Variants in ADARB2 observed in about 807,000 individuals in gnomAD.
ADARB2 encodes inactive double-stranded RNA-specific editase B2.
ADARB2 carries 25 observed loss-of-function variants against 62.2 expected under a neutral mutation model. The observed-to-expected ratio is 0.40, with a 90% confidence interval of 0.29 to 0.56. ADARB2 has a LOEUF of 0.56. ADARB2 is among the 20% of genes least tolerant of loss of function. ADARB2 has a pLI of 0.43. For missense variants in ADARB2, 1,071 were observed against 1,077.4 expected, an observed-to-expected ratio of 0.99 and a Z score of 0.08; for synonymous variants, 572 against 500.8, an observed-to-expected ratio of 1.14 and a Z score of -1.90.
chr10:1,275,969 G>C (rs1011646059), intron 3 of ADARB2, among the ~76,000 whole-genome samples: 1 of 151,954 alleles, frequency 6.6e-6, no homozygotes, highest in Non-Finnish European at 1.5e-5. Context: ...ATAAACATAC[G>C]TGTGCATGTG....
intron 1 of ADARB2, among the ~76,000 whole-genome samples, chr10:1,507,901 C>G (rs1473420598): frequency 6.6e-6 from 1 of 152,184 alleles, no homozygotes; most frequent in Non-Finnish European, 1.5e-5. Flanking sequence ...GTGGGACAGG[C>G]AGCGATGGCT....
At chr10:1,476,071 G>A (rs922733354) in intron 1 of ADARB2, among the ~76,000 whole-genome samples, 5 of 152,226 alleles carry the variant, frequency 3.3e-5, no homozygotes, top group African/African-American at 1.2e-4. Flanking sequence ...GTGGGAAATT[G>A]TCACTAGTGA....
At chr10:1,502,600 T>G (rs1454107331) in intron 1 of ADARB2, among the ~76,000 whole-genome samples, 2 of 152,230 alleles carry the variant, frequency 1.3e-5, no homozygotes, top group African/African-American at 2.4e-5. Flanking sequence ...TGTCACCCGC[T>G]TGCAGGGGCC....
intron 3 of ADARB2, among the ~76,000 whole-genome samples, chr10:1,271,324 T>C (rs549789053): frequency 3.9e-5 from 6 of 152,296 alleles, no homozygotes; most frequent in Middle Eastern, 6.8e-3. Context: ...AACCCTGAGC[T>C]CTGCCAACCT....
At chr10:1,592,386 C>G (rs137988049) in intron 1 of ADARB2, among the ~76,000 whole-genome samples, 7 of 37,426 alleles carry the variant, frequency 1.9e-4, no homozygotes, top group Non-Finnish European at 4.1e-4. Context: ...CAGCTCCCTT[C>G]GCCCAAGCCA....
At chr10:1,462,643 CTGTG>C (rs952022514) in intron 1 of ADARB2, among the ~76,000 whole-genome samples, 7 of 141,530 alleles carry the variant, frequency 4.9e-5, no homozygotes, top group Non-Finnish European at 7.7e-5. Context: ...GTGTATGTGC[CTGTG>C]TGTATGTACA....
intron 1 of ADARB2, among the ~76,000 whole-genome samples, chr10:1,710,396 A>G (rs1834936394): frequency 6.6e-6 from 1 of 152,230 alleles, no homozygotes; most frequent in African/African-American, 2.4e-5. Flanking sequence ...ATTTAGGAGA[A>G]ATATAATGGA....
At chr10:1,664,318 A>G (rs929749331) in intron 1 of ADARB2, among the ~76,000 whole-genome samples, 1 of 152,022 alleles carries the variant, frequency 6.6e-6, no homozygotes, top group Non-Finnish European at 1.5e-5. Context: ...GTGGGTCAGT[A>G]TCAAGGTATG....
chr10:1,229,758 ATG>A (rs1238823133), intron 6 of ADARB2, among the ~76,000 whole-genome samples: 48 of 22,278 alleles, frequency 2.2e-3, no homozygotes, highest in Non-Finnish European at 3.9e-3. Flanking sequence ...ACGTGATTAC[ATG>A]TGTGCACATA....
chr10:1,639,476 C>T (rs577505870), intron 1 of ADARB2, among the ~76,000 whole-genome samples: 10 of 152,328 alleles, frequency 6.6e-5, no homozygotes, highest in Middle Eastern at 6.8e-3. Context: ...AGACCATTCA[C>T]GAGCAGCCTG....
At chr10:1,635,138 T>C (rs1479871506) in intron 1 of ADARB2, among the ~76,000 whole-genome samples, 1 of 152,238 alleles carries the variant, frequency 6.6e-6, no homozygotes, top group Non-Finnish European at 1.5e-5. Context: ...GTATCTTACG[T>C]AGAGGAGTGC....
chr10:1,615,211 GGTCT>G (rs1226762916), intron 1 of ADARB2, among the ~76,000 whole-genome samples: 1 of 152,232 alleles, frequency 6.6e-6, no homozygotes, highest in Non-Finnish European at 1.5e-5. Context: ...ACTGCTTAGT[GGTCT>G]GTCTGCCTCC....
chr10:1,210,696 C>T (rs1837139130), intron 7 of ADARB2, among the ~76,000 whole-genome samples: 1 of 152,238 alleles, frequency 6.6e-6, no homozygotes, highest in African/African-American at 2.4e-5. Context: ...TTCCTTCGCT[C>T]ATGAGTGCAG....
At chr10:1,391,420 G>A (rs774502067) in intron 1 of ADARB2, among the ~76,000 whole-genome samples, 2 of 152,096 alleles carry the variant, frequency 1.3e-5, no homozygotes, top group African/African-American at 2.4e-5. Flanking sequence ...GCTGTTCTCC[G>A]GGTCTCTAAG....
chr10:1,658,556 GTCTCTCTA>G (rs1191023806), intron 1 of ADARB2, among the ~76,000 whole-genome samples: 1 of 152,040 alleles, frequency 6.6e-6, no homozygotes, highest in Non-Finnish European at 1.5e-5. Flanking sequence ...GATTCTCTCT[GTCTCTCTA>G]TCTCTCTCTC....
At chr10:1,371,677 G>A (rs1326122209) in intron 2 of ADARB2, among the ~76,000 whole-genome samples, 2 of 150,024 alleles carry the variant, frequency 1.3e-5, no homozygotes, top group Admixed American at 6.7e-5. Context: ...AAAAATATAA[G>A]CAGCCAACAA....
chr10:1,281,160 G>A (rs556129969), intron 3 of ADARB2, among the ~76,000 whole-genome samples: 1 of 152,334 alleles, frequency 6.6e-6, no homozygotes, highest in East Asian at 1.9e-4. Flanking sequence ...ATGTGTGGTG[G>A]ATCCATGATG....
Position 1,737,062 on chromosome 10 carries a change from G to T in ADARB2, c.89C>A (p.Ser30Tyr). The T allele has an allele frequency of 6.2e-7, 1 of 1,611,434 alleles. No individual in the cohort carries two copies. The highest frequency in any genetic ancestry group is 8.5e-7 in the Non-Finnish European group (1 of 1,179,914). ...CACGCGGTCCTTACCTTTCCGCTTGGACCTCCGCCTCCTCCTCCTCTTGGA... is the reference window on the plus strand; with the variant it reads ...CACGCGGTCCTTACCTTTCCGCTTGTACCTCCGCCTCCTCCTCCTCTTGGA... The part of the protein sequence containing the change: ...CKSKRRRRRR[S>Y]KRKDKVSILS... The change falls in exon 1 of 10, where the codon TCC becomes TAC. Residue 30 changes from serine to tyrosine, a missense_variant. Ser to Tyr is a moderately radical substitution (Grantham distance 144, BLOSUM62 -2). Coordinates refer to ENST00000381312, the MANE Select transcript of ADARB2 (RefSeq NM_018702.4).
intron 1 of ADARB2, among the ~76,000 whole-genome samples, chr10:1,558,625 C>T (rs866970413): frequency 7.5e-6 from 1 of 132,482 alleles, no homozygotes; most frequent in Non-Finnish European, 1.6e-5. Context: ...CATCTAAACT[C>T]GAATCCCACC....
Sources: allele counts gnomAD v4.1 joint callset (sites outside exome capture counted in the v4.1 genomes callset), GRCh38; gene constraint gnomAD v4.1.1; transcripts MANE v1.5; gene names NCBI Gene and HGNC (gene_info 2026-07-23, HGNC 2026-07-21).